The following THRA variants were observed in gnomAD, a reference collection of about 807,000 sequenced individuals.
THRA encodes the protein EAR-7.
Under a neutral mutation model 45.0 loss-of-function variants are expected in THRA, and 13 were observed. The observed-to-expected ratio is 0.29, with a 90% CI of 0.19 to 0.46. The LOEUF is 0.46. THRA is among the 20% of genes least tolerant of loss of function. The pLI, the probability that THRA is intolerant of heterozygous loss-of-function variation, is 1.00. For missense variants in THRA, 278 were observed against 556.1 expected (o/e 0.50, Z 5.03); for synonymous variants, 195 against 214.0 (o/e 0.91, Z 0.78).
chr17:40,074,458 C>A lies in THRA; in HGVS notation c.-31C>A. On this transcript the variant is annotated 5_prime_UTR_variant, in exon 2 of 9. The change creates a new upstream start codon in the 5' untranslated region. Coordinates refer to ENST00000450525, the MANE Select transcript of THRA (RefSeq NM_199334.5). Reference sequence around the variant, plus strand: ...GTGCCCACCCCAGTCTCTTGGCGTGCTGGAGGGCATCCTGGATGGAATTGA... The same window carrying A: ...GTGCCCACCCCAGTCTCTTGGCGTGATGGAGGGCATCCTGGATGGAATTGA... 1 of 1,613,694 alleles carries A rather than the reference C, an allele frequency of 6.2e-7. No homozygotes were observed. The highest frequency in any genetic ancestry group is 8.5e-7 in the Non-Finnish European group (1 of 1,179,714).
At chr17:40,083,754 G>A in intron 4 of THRA, 81 bp from the exon 5 acceptor site, 1 of 1,497,824 alleles carries the variant, frequency 6.7e-7, no homozygotes. Flanking sequence ...CTCCACCCCT[G>A]ACCCCTAGTA....
intron 4 of THRA, among the ~76,000 whole-genome samples, chr17:40,078,353 A>T (rs1419631757): frequency 6.6e-6 from 1 of 152,140 alleles, no homozygotes; most frequent in African/African-American, 2.4e-5. Context: ...GTGGTGCCAC[A>T]TGCCTGTGGT....
At chr17:40,070,595 G>A (rs1395462741) in intron 1 of THRA, among the ~76,000 whole-genome samples, 1 of 152,160 alleles carries the variant, frequency 6.6e-6, no homozygotes, top group East Asian at 1.9e-4. Context: ...ATGTGTCTGG[G>A]CCACGGTGGC....
chr17:40,084,966 C>A, intron 6 of THRA, 151 bp downstream of exon 6: 1 of 874,712 alleles, frequency 1.1e-6, no homozygotes, highest in Non-Finnish European at 1.8e-6. Flanking sequence ...ATTTTATACA[C>A]TTGTGTTTGT....
chr17:40,067,961 G>C (rs115302741), intron 1 of THRA, among the ~76,000 whole-genome samples: 2 of 152,284 alleles, frequency 1.3e-5, no homozygotes, highest in South Asian at 2.1e-4. Context: ...TCGAGGCTGC[G>C]GTGAGCTGTG....
intron 4 of THRA, among the ~76,000 whole-genome samples, chr17:40,079,065 C>T (rs1331485330): frequency 6.6e-6 from 1 of 152,058 alleles, no homozygotes; most frequent in East Asian, 1.9e-4. Context: ...TCACTCAGAG[C>T]CCTTTTGTGG....
At chr17:40,088,806 A>C (rs1598398385) in intron 8 of THRA, among the ~76,000 whole-genome samples, 1 of 140,598 alleles carries the variant, frequency 7.1e-6, no homozygotes, top group Non-Finnish European at 1.5e-5. Context: ...GTTCTCAGCC[A>C]CCTTCCATCC....
At chr17:40,074,688 T>TG (rs1218019202) in intron 2 of THRA, 147 bp downstream of exon 2, 2 of 816,726 alleles carry the variant, frequency 2.4e-6, no homozygotes, top group Non-Finnish European at 4.1e-6. Context: ...GTCTGGCAGA[T>TG]GAAGTCATGT....
chr17:40,066,712 C>CT (rs995814020), intron 1 of THRA, among the ~76,000 whole-genome samples: 16 of 149,454 alleles, frequency 1.1e-4, no homozygotes, highest in African/African-American at 3.9e-4. Context: ...AAGGCATTAT[C>CT]TATCAAGCAG....
Position 40,090,123 on chromosome 17 carries a change from C to A in THRA, c.*667C>A. The A allele has an allele frequency of 1.4e-6, 1 of 739,474 alleles. No homozygotes were observed. 45.8% of individuals were successfully genotyped at this position (739,474 alleles called of 1,614,324 possible). On this transcript the variant is annotated 3_prime_UTR_variant, in exon 9 of 9. Coordinates refer to ENST00000450525, the MANE Select transcript of THRA (RefSeq NM_199334.5). ...GGCTGACCAGAGGGGAGGACCCCCC[C>A]TTTACCACCCCATGCACTTTGCGAG...
At chr17:40,084,893 C>T in intron 6 of THRA, 78 bp downstream of exon 6, 2 of 1,519,700 alleles carry the variant, frequency 1.3e-6, no homozygotes, top group South Asian at 1.2e-5. Context: ...CTTGCCTCCT[C>T]CAGGAAGTCT....
chr17:40,065,627 G>A (rs1017482145), intron 1 of THRA, among the ~76,000 whole-genome samples: 1 of 152,112 alleles, frequency 6.6e-6, no homozygotes, highest in African/African-American at 2.4e-5. Context: ...CCCAAGCTCC[G>A]CCCCTCTGCC....
Position 40,089,021 on chromosome 17 carries a change from C to CTT in THRA, c.983-184_983-183insTT, listed in dbSNP as rs1987436306. ...CCCCCTGCCCCTCTCCACTTCCCAG[C>CTT]TGCCTCCCTCTCCCTGTGCTTCTCC... On this transcript the variant is annotated intron_variant, in intron 8 of 8. Transcript: ENST00000450525. This position sits in a 1 kb window ranked among gnomAD's most constrained non-coding sequence, Gnocchi z 6.1. Among the ~76,000 whole-genome samples, 1 of 143,152 alleles carries CTT rather than the reference C, an allele frequency of 7.0e-6. No homozygotes were observed. Among genetic ancestry groups the CTT allele is most frequent in the African/African-American group, 2.6e-5 (1 of 38,144 alleles). 93.9% of individuals were successfully genotyped at this position (143,152 alleles called of 152,430 possible).
intron 6 of THRA, among the ~76,000 whole-genome samples, chr17:40,085,049 G>A (rs934695456): frequency 6.6e-6 from 1 of 152,162 alleles, no homozygotes; most frequent in Non-Finnish European, 1.5e-5. Flanking sequence ...CTTCCTCATC[G>A]AATTTCCAGG....
chr17:40,072,503 G>A (rs776172318), intron 1 of THRA, among the ~76,000 whole-genome samples: 1 of 152,120 alleles, frequency 6.6e-6, no homozygotes, highest in Non-Finnish European at 1.5e-5. Flanking sequence ...ACAGGCGGGG[G>A]CAGCACCACA....
In THRA at chr17:40,092,717, T is replaced by G. The variant is rs1226416233; in HGVS notation, c.*3261T>G. The G allele has an allele frequency of 2.8e-5, 9 of 317,500 alleles. No individual in the cohort carries two copies. The East Asian group carries it at 4.2e-4, about 15-fold the overall frequency. The allele number at this position is 317,500 out of a possible 1,614,324, so 19.7% of individuals were successfully genotyped here. On this transcript the variant is annotated 3_prime_UTR_variant, in exon 9 of 9. Coordinates refer to ENST00000450525, the MANE Select transcript of THRA (RefSeq NM_199334.5). ...GTACCCACCCCACAAACTGACCAGATGGAGAGGTGGCCCCCCCCAGCCTTG... is the reference window on the plus strand; with the variant it reads ...GTACCCACCCCACAAACTGACCAGAGGGAGAGGTGGCCCCCCCCAGCCTTG...
chr17:40,076,680 A>G (rs1206249827), intron 2 of THRA, among the ~76,000 whole-genome samples, 191 bp from the exon 3 acceptor site: 4 of 151,998 alleles, frequency 2.6e-5, no homozygotes, highest in Non-Finnish European at 4.4e-5. Flanking sequence ...CAAGCCCCTT[A>G]TCTCTCTCCC....
At chr17:40,078,192 A>G (rs752278925) in intron 4 of THRA, among the ~76,000 whole-genome samples, 10 of 152,240 alleles carry the variant, frequency 6.6e-5, no homozygotes, top group Non-Finnish European at 1.0e-4. Flanking sequence ...TGTTTAAAAC[A>G]GTGCCATTGG....
At position 40,083,998 on chromosome 17, in the gene THRA, G is replaced by GCTGATT; in HGVS notation, c.370+16_370+17insCTGATT. ...GCCATGGACTGTAAGGGGCCCAGGT[G>GCTGATT]GAGGGAATAGAGCCAGGTGGCCTGG... On this transcript the variant is annotated intron_variant, in intron 5 of 8. Coordinates refer to ENST00000450525, the MANE Select transcript of THRA (RefSeq NM_199334.5). 1.2e-6 allele frequency: 2 copies of GCTGATT among 1,602,800 alleles called. No homozygotes were observed. Among genetic ancestry groups the GCTGATT allele is most frequent in the South Asian group, 1.1e-5 (1 of 89,710 alleles).
Sources: gnomAD v4.1 joint callset for allele counts (sites outside exome capture counted in the v4.1 genomes callset) on GRCh38, gnomAD v4.1.1 for gene constraint, Gnocchi (gnomAD v3.1) non-coding constraint, MANE v1.5 for transcripts, NCBI Gene and HGNC (gene_info 2026-07-23, HGNC 2026-07-21) for gene names.